DNAH12: variants seen among roughly 807,000 people sequenced by gnomAD.
DNAH12 encodes the protein dynein axonemal heavy chain 12.
A neutral mutation model predicts 371.5 loss-of-function variants in DNAH12; 285 were observed. The ratio of observed to expected loss-of-function variants is 0.77; its 90% CI spans 0.70 to 0.85. The LOEUF is 0.85. Among genes scored for constraint, DNAH12 ranks in the 40% least tolerant of loss-of-function variants. The probability of loss-of-function intolerance (pLI) is 0.00; values close to 1 mark genes in which losing one functional copy is unlikely to be tolerated. For missense variants in DNAH12, 3,611 were observed against 3,689.4 expected, an observed-to-expected ratio of 0.98 and a Z score of 0.55; for synonymous variants, 1,200 against 1,213.0, an observed-to-expected ratio of 0.99 and a Z score of 0.22.
intron 29 of DNAH12, among the ~76,000 whole-genome samples, chr3:57,438,423 G>A (rs748011674): frequency 6.6e-6 from 1 of 152,076 alleles, no homozygotes; most frequent in African/African-American, 2.4e-5. Flanking sequence ...AAGGTTGGAC[G>A]TCCTAGCCAG....
intron 32 of DNAH12, 101 bp from the exon 33 acceptor site, chr3:57,429,875 T>G: frequency 2.0e-6 from 2 of 982,340 alleles, no homozygotes; most frequent in Non-Finnish European, 2.9e-6. Flanking sequence ...TGTGATATAA[T>G]GGAATAAGAA....
chr3:57,394,010 T>A (rs1214984820), intron 44 of DNAH12, among the ~76,000 whole-genome samples, 161 bp downstream of exon 44: 1 of 152,170 alleles, frequency 6.6e-6, no homozygotes, highest in Non-Finnish European at 1.5e-5. Flanking sequence ...TAGAAGCAAT[T>A]TAAAATTCAC....
At position 57,331,876 on chromosome 3, in the gene DNAH12, A is replaced by G. The variant is rs1167286790; in HGVS notation, c.9978+2589T>C. On this transcript the variant is annotated intron_variant, in intron 62 of 73. Coordinates refer to ENST00000495027, the MANE Select transcript of DNAH12 (RefSeq NM_001366028.2). The stretch of plus-strand genomic sequence containing the variant: ...TACCCTCTACATCTGATCGCCCTCC[A>G]TATCTGATCAAATTCCTCATACCCT... Among the ~76,000 whole-genome samples the G allele has an allele frequency of 2.0e-5, 3 of 152,026 alleles. No individual in the cohort carries two copies. The East Asian group carries it at 5.8e-4, about 29-fold the overall frequency.
chr3:57,440,198 A>G (rs2065260769), intron 29 of DNAH12, among the ~76,000 whole-genome samples: 4 of 152,230 alleles, frequency 2.6e-5, no homozygotes, highest in African/African-American at 9.6e-5. Context: ...AAGAAAATAA[A>G]TTGTTCTACC....
chr3:57,434,612 C>T (rs953359423), intron 30 of DNAH12, among the ~76,000 whole-genome samples: 1 of 151,884 alleles, frequency 6.6e-6, no homozygotes, highest in Non-Finnish European at 1.5e-5. Flanking sequence ...TAAAAAAAAC[C>T]TAATGTGGCA....
intron 62 of DNAH12, among the ~76,000 whole-genome samples, chr3:57,325,322 C>T (rs1014663324): frequency 6.6e-6 from 1 of 152,204 alleles, no homozygotes; most frequent in Non-Finnish European, 1.5e-5. Context: ...GAGGCACCCC[C>T]AAGTAGGGGC....
At chr3:57,317,096 T>C (rs2061702091) in intron 65 of DNAH12, among the ~76,000 whole-genome samples, 1 of 152,350 alleles carries the variant, frequency 6.6e-6, no homozygotes, top group South Asian at 2.1e-4. Context: ...GGTCAATAAA[T>C]GTTTGCCCCT....
intron 40 of DNAH12, among the ~76,000 whole-genome samples, chr3:57,407,460 T>G (rs2153353995): frequency 6.6e-6 from 1 of 152,278 alleles, no homozygotes; most frequent in African/African-American, 2.4e-5. Context: ...TCATAGTAGT[T>G]TCTTTACTTG....
intron 2 of DNAH12, among the ~76,000 whole-genome samples, chr3:57,530,034 G>A (rs2068786843): frequency 6.6e-6 from 1 of 151,976 alleles, no homozygotes; most frequent in East Asian, 1.9e-4. Context: ...CCATCTGTTT[G>A]TATAGTTTCC....
chr3:57,322,346 T>C lies in DNAH12; in HGVS notation c.10521A>G (p.Glu3507=), dbSNP rs1575447940. ...PEFFKGCRGK[E]LAWEKLLFGV... ...AGTTCCAAAAGATGAATATTACCAG[T>C]TCCTTTCCACGGCATCCCTTGAAAA... Residue 3507 remains glutamate, a synonymous_variant, in exon 65 of 74, where the codon GAA becomes GAG. Coordinates refer to ENST00000495027, the MANE Select transcript of DNAH12 (RefSeq NM_001366028.2). 1.9e-6 allele frequency: 3 copies of C among 1,550,682 alleles called. No homozygotes were observed. Among genetic ancestry groups the C allele is most frequent in the Non-Finnish European group, 2.6e-6 (3 of 1,146,620 alleles).
chr3:57,547,671 T>C (rs893946695), upstream of DNAH12, among the ~76,000 whole-genome samples: 1 of 152,154 alleles, frequency 6.6e-6, no homozygotes, highest in Non-Finnish European at 1.5e-5. Context: ...GCTATAAAAC[T>C]ACAGATAATG....
intron 7 of DNAH12, 130 bp downstream of exon 7, chr3:57,508,252 T>A: frequency 3.4e-6 from 3 of 872,596 alleles, no homozygotes; most frequent in East Asian, 3.3e-5. Flanking sequence ...ACAAACAAGA[T>A]ACATTTTTTT....
At chr3:57,335,023 A>G in intron 60 of DNAH12, 83 bp from the exon 61 acceptor site, 1 of 1,399,616 alleles carries the variant, frequency 7.1e-7, no homozygotes. Context: ...TAACCTGGAT[A>G]GAACAACTTA....
chr3:57,444,802 A>C lies in DNAH12; in HGVS notation c.4440T>G (p.Ile1480Met). The C allele has an allele frequency of 6.5e-7, 1 of 1,544,094 alleles. No homozygotes were observed. Among genetic ancestry groups the C allele is most frequent in the Non-Finnish European group, 8.7e-7 (1 of 1,144,372 alleles). ...AAAACTTTGGTTCATTTACATCTTT[A>C]ATTGATCGAAGAAGCTAAAATTACC... Reference protein sequence around the residue: ...ENEDILLLRSIKDVNEPKFLS... With the variant: ...ENEDILLLRSMKDVNEPKFLS... Residue 1480 changes from isoleucine (I) to methionine (M), a missense_variant, in exon 29 of 74, where the codon ATT becomes ATG. By Grantham distance (10) the Ile-to-Met change is conservative. Coordinates refer to ENST00000495027, the MANE Select transcript of DNAH12 (RefSeq NM_001366028.2).
chr3:57,333,492 G>A (rs763465181), intron 62 of DNAH12, among the ~76,000 whole-genome samples: 6 of 151,808 alleles, frequency 4.0e-5, no homozygotes, highest in Non-Finnish European at 7.4e-5. Context: ...CACCATGCCT[G>A]GCTAATTTTT....
intron 58 of DNAH12, among the ~76,000 whole-genome samples, chr3:57,358,467 T>C (rs952776414): frequency 7.5e-4 from 114 of 152,278 alleles, no homozygotes; most frequent in Admixed American, 4.1e-3. Context: ...TGGATGTATG[T>C]CCTATAATTG....
chr3:57,424,001 A>T (rs1244512920), intron 35 of DNAH12, among the ~76,000 whole-genome samples: 2 of 151,874 alleles, frequency 1.3e-5, no homozygotes, highest in African/African-American at 4.8e-5. Flanking sequence ...GGCCTCCCAA[A>T]GTTTTGGGAT....
At chr3:57,434,194 A>G (rs779543098) in intron 30 of DNAH12, among the ~76,000 whole-genome samples, 1 of 152,182 alleles carries the variant, frequency 6.6e-6, no homozygotes. Flanking sequence ...TTTACCAACT[A>G]TTTCTGGATC....
At chr3:57,532,819 A>G (rs2068896733) in intron 2 of DNAH12, among the ~76,000 whole-genome samples, 1 of 152,134 alleles carries the variant, frequency 6.6e-6, no homozygotes, top group Non-Finnish European at 1.5e-5. Flanking sequence ...CCCAAGACCC[A>G]CTGTATCCAC....
Sources: gnomAD v4.1 joint callset for allele counts (sites outside exome capture counted in the v4.1 genomes callset) on GRCh38, gnomAD v4.1.1 for gene constraint, MANE v1.5 for transcripts, NCBI Gene and HGNC (gene_info 2026-07-23, HGNC 2026-07-21) for gene names.